ZFHX3: variants seen among roughly 807,000 people sequenced by gnomAD.
ZFHX3 encodes zinc finger homeobox 3, also known as zinc finger homeobox protein 3.
In ZFHX3, 42 loss-of-function variants were observed where a neutral mutation model predicts 279.1. The observed-to-expected ratio is 0.15, with a 90% CI of 0.12 to 0.19. The LOEUF is 0.19. Among genes scored for constraint, ZFHX3 ranks in the 10% least tolerant of loss-of-function variants. The probability of loss-of-function intolerance (pLI) is 1.00; values close to 1 mark genes in which losing one functional copy is unlikely to be tolerated. For synonymous variants in ZFHX3, 2,293 were observed against 1,957.8 expected, an observed-to-expected ratio of 1.17 and a Z score of -4.52; for missense variants, 4,981 against 4,754.0, an observed-to-expected ratio of 1.05 and a Z score of -1.40.
chr16:73,458,846 A>G (rs2018423123), intron 2 of ZFHX3, among the ~76,000 whole-genome samples: 1 of 152,242 alleles, frequency 6.6e-6, no homozygotes, highest in Non-Finnish European at 1.5e-5. Context: ...TCATTTTAAC[A>G]TATCTGTAAG....
At chr16:73,806,001 T>A (rs767109208) in intron 1 of ZFHX3, among the ~76,000 whole-genome samples, 2 of 152,186 alleles carry the variant, frequency 1.3e-5, no homozygotes, top group Non-Finnish European at 2.9e-5. Context: ...CACAGTTCCA[T>A]ATGGCTCAGC....
chr16:73,351,882 A>C (rs1294570458), intron 3 of ZFHX3, among the ~76,000 whole-genome samples: 1 of 152,236 alleles, frequency 6.6e-6, no homozygotes, highest in Non-Finnish European at 1.5e-5. Flanking sequence ...TGTCAAATGT[A>C]GTATGACCTT....
intron 2 of ZFHX3, among the ~76,000 whole-genome samples, chr16:73,631,925 TCTCA>T (rs1223050228): frequency 2.2e-3 from 204 of 90,934 alleles, no homozygotes; most frequent in African/African-American, 6.7e-3. Flanking sequence ...TCTCTCTCTC[TCTCA>T]CACACACACA....
chr16:73,056,536 C>A (rs1373758063), intron 1 of ZFHX3, among the ~76,000 whole-genome samples: 1 of 152,066 alleles, frequency 6.6e-6, no homozygotes, highest in Non-Finnish European at 1.5e-5. Context: ...CCTGAAACCC[C>A]CACATGTAAA....
At chr16:73,528,352 A>G (rs1334427156) in intron 2 of ZFHX3, among the ~76,000 whole-genome samples, 3 of 152,234 alleles carry the variant, frequency 2.0e-5, no homozygotes, top group Non-Finnish European at 4.4e-5. Flanking sequence ...ACAAATTTGC[A>G]AAGATAACTT....
At chr16:73,704,882 C>G (rs979459088) in intron 1 of ZFHX3, among the ~76,000 whole-genome samples, 2 of 152,206 alleles carry the variant, frequency 1.3e-5, no homozygotes, top group Admixed American at 6.5e-5. Context: ...AGCTCAAGTA[C>G]TTATTTACTG....
chr16:72,881,079 A>T (rs969686672), intron 4 of ZFHX3, among the ~76,000 whole-genome samples: 14 of 152,358 alleles, frequency 9.2e-5, no homozygotes, highest in Admixed American at 7.8e-4. Flanking sequence ...CCCCAAACCT[A>T]GCCTGGGTCT....
intron 4 of ZFHX3, among the ~76,000 whole-genome samples, chr16:72,886,626 T>G (rs779438307): frequency 2.0e-5 from 3 of 151,908 alleles, no homozygotes; most frequent in Non-Finnish European, 2.9e-5. Flanking sequence ...TTTTAACAGA[T>G]GATTAAAACA....
intron 5 of ZFHX3, among the ~76,000 whole-genome samples, chr16:73,184,727 TGAG>T (rs1258123866): frequency 2.0e-5 from 3 of 152,158 alleles, no homozygotes; most frequent in Non-Finnish European, 1.5e-5. Context: ...TTTGCAAGGA[TGAG>T]GAGGCCCAAG....
At chr16:73,807,881 G>A (rs1018481539) in intron 1 of ZFHX3, among the ~76,000 whole-genome samples, 1 of 151,994 alleles carries the variant, frequency 6.6e-6, no homozygotes, top group African/African-American at 2.4e-5. Context: ...ACCAGGCCCT[G>A]TGCTAGGTTA....
intron 8 of ZFHX3, among the ~76,000 whole-genome samples, chr16:73,074,889 C>G (rs1200901124): frequency 2.0e-5 from 3 of 152,106 alleles, no homozygotes; most frequent in Non-Finnish European, 4.4e-5. Flanking sequence ...CAACTTCTGC[C>G]TCTGGGCTCA....
chr16:73,719,338 T>C (rs1275454134), intron 1 of ZFHX3, among the ~76,000 whole-genome samples: 1 of 152,206 alleles, frequency 6.6e-6, no homozygotes, highest in Non-Finnish European at 1.5e-5. Context: ...CAGTTATTCC[T>C]CCCATTATGT....
Position 73,000,097 on chromosome 16 carries a change from G to C in ZFHX3, c.-49-39903C>G, listed in dbSNP as rs369812688. 4.2e-4 allele frequency among the ~76,000 whole-genome samples: 64 copies of C among 152,308 alleles called. No individual in the cohort carries two copies. In the East Asian group the frequency reaches 0.012, roughly 28 times the overall value. On this transcript the variant is annotated intron_variant, in intron 1 of 9. Coordinates refer to ENST00000268489, the MANE Select transcript of ZFHX3 (RefSeq NM_006885.4). ...TGGCTTCCGAACCTAGAAATGCAGA[G>C]AGCTGCTCTCCAACAGGTGGAGGGC...
At chr16:73,664,105 A>G (rs2052811578) in intron 2 of ZFHX3, among the ~76,000 whole-genome samples, 1 of 152,220 alleles carries the variant, frequency 6.6e-6, no homozygotes, top group Non-Finnish European at 1.5e-5. Flanking sequence ...AAGAAAAGGA[A>G]AGAAGTGTGA....
At chr16:73,026,062 G>A (rs532672702) in intron 1 of ZFHX3, among the ~76,000 whole-genome samples, 3 of 152,086 alleles carry the variant, frequency 2.0e-5, no homozygotes, top group East Asian at 3.9e-4. Flanking sequence ...ATAGTAGAGG[G>A]TCTGCTGGGC....
chr16:73,443,444 G>A (rs1309378675), intron 3 of ZFHX3, among the ~76,000 whole-genome samples: 3 of 152,196 alleles, frequency 2.0e-5, no homozygotes, highest in Non-Finnish European at 4.4e-5. Flanking sequence ...AAAGATGATA[G>A]TTTCTTCTCT....
At position 72,786,521 on chromosome 16, in the gene ZFHX3, T is replaced by G. The variant is rs1024534291; in HGVS notation, c.*643A>C. The stretch of plus-strand genomic sequence containing the variant: ...CCCCAGAAAGCTAAAGCAGTTCACA[T>G]TGTTTTTCTTGAATACTTTCTGCCC... On this transcript the variant is annotated 3_prime_UTR_variant, in exon 10 of 10. Coordinates refer to ENST00000268489, the MANE Select transcript of ZFHX3 (RefSeq NM_006885.4). 1 of 150,702 alleles carries G rather than the reference T, an allele frequency of 6.6e-6. No homozygotes were observed. The highest frequency in any genetic ancestry group is 1.5e-5 in the Non-Finnish European group (1 of 67,712). 9.3% of individuals were successfully genotyped at this position (150,702 alleles called of 1,614,324 possible).
At chr16:73,883,574 C>A (rs1421674749) in intron 1 of ZFHX3, among the ~76,000 whole-genome samples, 1 of 152,080 alleles carries the variant, frequency 6.6e-6, no homozygotes, top group East Asian at 1.9e-4. Context: ...ACCTCAGTAT[C>A]AGCCTTTCTT....
chr16:73,404,198 C>T (rs2017314499), intron 3 of ZFHX3, among the ~76,000 whole-genome samples: 1 of 152,162 alleles, frequency 6.6e-6, no homozygotes, highest in African/African-American at 2.4e-5. Flanking sequence ...CTCCCACCCC[C>T]TCAACCCACT....
Sources: gnomAD v4.1 joint callset for allele counts (sites outside exome capture counted in the v4.1 genomes callset) on GRCh38, gnomAD v4.1.1 for gene constraint, MANE v1.5 for transcripts, NCBI Gene and HGNC (gene_info 2026-07-23, HGNC 2026-07-21) for gene names.